The following ITFG1 variants were observed in gnomAD, a reference collection of about 807,000 sequenced individuals.
ITFG1 encodes the protein T-cell immunomodulatory protein.
ITFG1 carries 34 observed loss-of-function variants against 81.8 expected under a neutral mutation model. That is an observed-to-expected ratio of 0.42 (90% CI 0.32 to 0.55). The LOEUF is 0.55. Among genes scored for constraint, ITFG1 ranks in the 20% least tolerant of loss-of-function variants. The pLI is 0.17. For synonymous variants in ITFG1, 285 were observed against 270.6 expected (o/e 1.05, Z -0.52); for missense variants, 672 against 755.4 (o/e 0.89, Z 1.29).
chr16:47,202,700 C>G (rs1965441685), intron 14 of ITFG1, among the ~76,000 whole-genome samples: 1 of 151,892 alleles, frequency 6.6e-6, no homozygotes, highest in African/African-American at 2.4e-5. Context: ...AAAAATGGGC[C>G]TAGGTCTTGA....
chr16:47,358,276 G>C (rs1440953802), intron 8 of ITFG1, among the ~76,000 whole-genome samples: 1 of 152,140 alleles, frequency 6.6e-6, no homozygotes, highest in East Asian at 1.9e-4. Context: ...GCAGGTTAGA[G>C]GGAGAACTGT....
At chr16:47,452,908 A>G (rs1969407452) in intron 3 of ITFG1, 118 bp from the exon 4 acceptor site, 2 of 549,598 alleles carry the variant, frequency 3.6e-6, no homozygotes, top group East Asian at 6.7e-5. Flanking sequence ...ATTTATTCCA[A>G]CTATTATCAT....
chr16:47,352,559 C>T (rs1392438183), intron 8 of ITFG1, among the ~76,000 whole-genome samples: 1 of 152,124 alleles, frequency 6.6e-6, no homozygotes, highest in African/African-American at 2.4e-5. Context: ...CAGGAAACAA[C>T]AGGTGCTGGA....
At chr16:47,376,246 T>G (rs1968322743) in intron 6 of ITFG1, among the ~76,000 whole-genome samples, 1 of 152,204 alleles carries the variant, frequency 6.6e-6, no homozygotes, top group African/African-American at 2.4e-5. Context: ...CAAAGTGTAC[T>G]ATATTTTTTA....
intron 14 of ITFG1, among the ~76,000 whole-genome samples, chr16:47,213,724 G>C (rs1447544732): frequency 6.6e-6 from 1 of 152,152 alleles, no homozygotes; most frequent in Non-Finnish European, 1.5e-5. Context: ...GAGAGCTTCT[G>C]GGTTACTGAA....
chr16:47,403,276 T>C (rs931447270), intron 6 of ITFG1, among the ~76,000 whole-genome samples: 1 of 151,590 alleles, frequency 6.6e-6, no homozygotes, highest in Non-Finnish European at 1.5e-5. Context: ...AGTTAAACAC[T>C]GTGTGGAAGC....
chr16:47,258,805 T>C (rs1038809915), intron 11 of ITFG1, 65 bp from the exon 12 acceptor site: 15 of 639,492 alleles, frequency 2.3e-5, no homozygotes, highest in African/African-American at 5.7e-5. Context: ...AAAATGACCA[T>C]TAAAATGCAT....
intron 6 of ITFG1, among the ~76,000 whole-genome samples, chr16:47,379,085 T>C (rs1014131867): frequency 1.3e-5 from 2 of 152,124 alleles, no homozygotes; most frequent in Admixed American, 6.6e-5. Flanking sequence ...TTGCAGAAGG[T>C]TGCATCCCTT....
chr16:47,328,310 G>A (rs549162568), intron 8 of ITFG1, among the ~76,000 whole-genome samples: 9 of 152,150 alleles, frequency 5.9e-5, no homozygotes, highest in Admixed American at 1.3e-4. Flanking sequence ...ATCACACACC[G>A]GGGACAGTTG....
intron 6 of ITFG1, among the ~76,000 whole-genome samples, chr16:47,418,551 A>AT (rs1200028498): frequency 2.0e-5 from 3 of 152,002 alleles, no homozygotes; most frequent in African/African-American, 4.8e-5. Flanking sequence ...TTTTGAGTTA[A>AT]TTTTTTGTAT....
At position 47,258,756 on chromosome 16, in the gene ITFG1, C is replaced by A. The variant is rs1403009299; in HGVS notation, c.1222-16G>T. The A allele has an allele frequency of 1.9e-5, 23 of 1,237,844 alleles. No homozygotes were observed. The highest frequency in any genetic ancestry group is 7.6e-5 in the Admixed American group (3 of 39,644). The allele number at this position is 1,237,844 out of a possible 1,614,324, so 76.7% of individuals were successfully genotyped here. A position where few individuals can be genotyped will look rare whatever the true frequency, so the allele number is the denominator to read the frequency against. On this transcript the variant is annotated splice_polypyrimidine_tract_variant and intron_variant, in intron 11 of 17. Coordinates refer to ENST00000320640, the MANE Select transcript of ITFG1 (RefSeq NM_030790.5). ...CCAAGATTCCCTGGAAAAAAACAAA[C>A]AAAAATGGTAAGAACAAACTATTAG...
intron 9 of ITFG1, among the ~76,000 whole-genome samples, chr16:47,313,484 A>G (rs1967300190): frequency 6.6e-6 from 1 of 152,214 alleles, no homozygotes; most frequent in East Asian, 1.9e-4. Flanking sequence ...AAAAGCTAAA[A>G]GATCATTTAA....
At chr16:47,262,237 C>A (rs1289980240) in intron 10 of ITFG1, among the ~76,000 whole-genome samples, 1 of 152,140 alleles carries the variant, frequency 6.6e-6, no homozygotes, top group African/African-American at 2.4e-5. Flanking sequence ...ATCTTTCAGA[C>A]CATAACATTT....
In ITFG1 at chr16:47,311,342, T is replaced by C; in HGVS notation, c.968A>G (p.Gln323Arg). 2.5e-6 allele frequency: 4 copies of C among 1,613,896 alleles called. No individual in the cohort carries two copies. The highest frequency in any genetic ancestry group is 1.1e-5 in the South Asian group (1 of 91,082). Residue 323 changes from glutamine (Q) to arginine (R), a missense_variant, in exon 10 of 18, where the codon CAG (glutamine) becomes CGG (arginine). Physicochemically the swap from Gln to Arg is conservative, Grantham distance 43. This residue lies in a region of ITFG1 where 560 missense variants were observed against 625.7 expected (regional missense o/e 0.90). Coordinates refer to ENST00000320640, the MANE Select transcript of ITFG1 (RefSeq NM_030790.5). ...TGGAATTGGTATTTCAGTTGGTTGC[T>C]GTTCATCCACAAATGGCACAAAGCC... ...LWGFVPFVDEQQPTEIPIPIT... is the reference protein window; with the variant it reads ...LWGFVPFVDERQPTEIPIPIT...
At chr16:47,394,280 A>C (rs1968567905) in intron 6 of ITFG1, among the ~76,000 whole-genome samples, 1 of 152,310 alleles carries the variant, frequency 6.6e-6, no homozygotes. Flanking sequence ...CATGTAGCAT[A>C]CTGATCAGAA....
chr16:47,266,099 G>A (rs558804023), intron 10 of ITFG1, among the ~76,000 whole-genome samples: 2 of 152,044 alleles, frequency 1.3e-5, no homozygotes, highest in Non-Finnish European at 2.9e-5. Context: ...AAATATATAC[G>A]AACAGCCAAT....
intron 8 of ITFG1, among the ~76,000 whole-genome samples, chr16:47,340,135 G>A (rs1967761514): frequency 6.6e-6 from 1 of 151,986 alleles, no homozygotes; most frequent in Non-Finnish European, 1.5e-5. Flanking sequence ...AAGAAGAAAT[G>A]TAAGATATTC....
chr16:47,460,546 G>C (rs1969518987), intron 1 of ITFG1, among the ~76,000 whole-genome samples: 1 of 152,180 alleles, frequency 6.6e-6, no homozygotes, highest in Admixed American at 6.5e-5. Context: ...TGATTCCATG[G>C]GGAGGAGGGG....
At chr16:47,273,982 C>T (rs957473726) in intron 10 of ITFG1, among the ~76,000 whole-genome samples, 4 of 152,060 alleles carry the variant, frequency 2.6e-5, no homozygotes, top group Admixed American at 1.3e-4. Context: ...ATCGGCTGGG[C>T]GTGGTGGCTC....
Sources: allele counts gnomAD v4.1 joint callset (sites outside exome capture counted in the v4.1 genomes callset), GRCh38; gene constraint gnomAD v4.1.1; regional missense constraint gnomAD v4.1.1; transcripts MANE v1.5; gene names NCBI Gene and HGNC (gene_info 2026-07-23, HGNC 2026-07-21).